AIDA: variants seen among roughly 807,000 people sequenced by gnomAD.
AIDA encodes axin interactor, dorsalization associated.
Under a neutral mutation model 42.7 loss-of-function variants are expected in AIDA, and 18 were observed. The observed-to-expected ratio is 0.42, with a 90% confidence interval of 0.29 to 0.63. AIDA has a LOEUF of 0.63. AIDA is among the 20% of genes least tolerant of loss of function. The pLI, the probability that AIDA is intolerant of heterozygous loss-of-function variation, is 0.19. For synonymous variants in AIDA, 104 were observed against 122.9 expected, an observed-to-expected ratio of 0.85 and a Z score of 1.02; for missense variants, 250 against 354.1, an observed-to-expected ratio of 0.71 and a Z score of 2.36.
At position 222,686,998 on chromosome 1, in the gene AIDA, A is replaced by G. The variant is rs765189345; in HGVS notation, c.392T>C (p.Phe131Ser). The part of the protein sequence containing the change: ...LAPGEEENLE[F>S]EEDEEEGGAG... ...ACCACCCTCTTCTTCATCTTCTTCA[A>G]ATTCCAAATTCTCTTCTTCACCAGG... The change falls in exon 6 of 10, where the codon TTT (phenylalanine) becomes TCT (serine). Residue 131 changes from phenylalanine (F) to serine (S), a missense_variant. Physicochemically the swap from Phe to Ser is radical, Grantham distance 155. Coordinates refer to ENST00000340020, the MANE Select transcript of AIDA (RefSeq NM_022831.4). 11 of 1,613,760 alleles carry G rather than the reference A, an allele frequency of 6.8e-6. No individual in the cohort carries two copies. In the South Asian group the frequency reaches 9.9e-5, roughly 15 times the overall value.
chr1:222,674,326 G>A (rs1664508788), intron 7 of AIDA, among the ~76,000 whole-genome samples: 2 of 152,114 alleles, frequency 1.3e-5, no homozygotes, highest in Admixed American at 6.5e-5. Context: ...AAGAAAGCTT[G>A]TAGAACACAA....
At chr1:222,705,297 G>T (rs1307083310) in intron 1 of AIDA, among the ~76,000 whole-genome samples, 1 of 152,186 alleles carries the variant, frequency 6.6e-6, no homozygotes, top group Non-Finnish European at 1.5e-5. Context: ...TATAGCCATT[G>T]TCTTTGTTCT....
intron 8 of AIDA, among the ~76,000 whole-genome samples, chr1:222,672,860 G>A (rs1664473690): frequency 6.6e-6 from 1 of 152,128 alleles, no homozygotes; most frequent in African/African-American, 2.4e-5. Flanking sequence ...ATCATACTTG[G>A]AAATGTAGCC....
chr1:222,694,673 A>G (rs1038621033), intron 2 of AIDA, among the ~76,000 whole-genome samples: 2 of 152,250 alleles, frequency 1.3e-5, no homozygotes, highest in African/African-American at 4.8e-5. Flanking sequence ...CTTAAGTCCA[A>G]CACCAACTTG....
intron 4 of AIDA, among the ~76,000 whole-genome samples, chr1:222,691,305 A>G (rs563087325): frequency 9.2e-5 from 14 of 152,146 alleles, no homozygotes; most frequent in African/African-American, 3.1e-4. Context: ...TAAGCAAGGC[A>G]GAAGTGGCAG....
In AIDA at chr1:222,669,721, A is replaced by G; in HGVS notation, c.*172T>C. On this transcript the variant is annotated 3_prime_UTR_variant, in exon 10 of 10. Coordinates refer to ENST00000340020, the MANE Select transcript of AIDA (RefSeq NM_022831.4). ...CCAAGGAGTCCTATACGTCAGTGTG[A>G]TGTGCTGGACTCTGAATTCTGTGGT... 2.6e-6 allele frequency: 2 copies of G among 775,778 alleles called. No individual in the cohort carries two copies. Among genetic ancestry groups the G allele is most frequent in the Non-Finnish European group, 4.1e-6 (2 of 491,580 alleles). 48.1% of individuals were successfully genotyped at this position (775,778 alleles called of 1,614,324 possible).
intron 2 of AIDA, 82 bp downstream of exon 2, chr1:222,703,066 T>C (rs983630300): frequency 1.7e-6 from 2 of 1,147,184 alleles, no homozygotes. Context: ...TGTTTTGTTG[T>C]TTTTTGTTTT....
chr1:222,676,408 C>A (rs1664543806), intron 6 of AIDA, among the ~76,000 whole-genome samples, 190 bp from the exon 7 acceptor site: 1 of 152,302 alleles, frequency 6.6e-6, no homozygotes, highest in South Asian at 2.1e-4. Flanking sequence ...GAAATCTGCA[C>A]TTCCATGTCT....
At chr1:222,691,733 C>T (rs1024815383) in intron 4 of AIDA, among the ~76,000 whole-genome samples, 2 of 151,710 alleles carry the variant, frequency 1.3e-5, no homozygotes, top group African/African-American at 4.8e-5. Context: ...GAACAGGTGA[C>T]AAAAAAGACC....
rs180988002 is a variant in AIDA, at chr1:222,691,587, A to T, written c.289+2202T>A. Among the ~76,000 whole-genome samples the T allele has an allele frequency of 3.7e-3, 521 of 142,368 alleles. 4 individuals carry two copies. Among genetic ancestry groups the T allele is most frequent in the African/African-American group, 0.011 (363 of 33,548 alleles). The allele number at this position is 142,368 out of a possible 152,430, so 93.4% of individuals were successfully genotyped here. On this transcript the variant is annotated intron_variant, in intron 4 of 9. Coordinates refer to ENST00000340020, the MANE Select transcript of AIDA (RefSeq NM_022831.4). ...GATCTCACTAAAAAGCACTATTTTT[A>T]AAAAAAAAATTATAAGAACATCCTT... is the stretch of plus-strand genomic sequence containing the variant.
At chr1:222,693,486 C>T (rs1298691624) in intron 4 of AIDA, among the ~76,000 whole-genome samples, 1 of 152,100 alleles carries the variant, frequency 6.6e-6, no homozygotes, top group Non-Finnish European at 1.5e-5. Flanking sequence ...GCTTTATATT[C>T]TCCAATAGAT....
chr1:222,689,479 GTGTATATATATATATA>G (rs368808429), intron 4 of AIDA, among the ~76,000 whole-genome samples: 662 of 45,232 alleles, frequency 0.015, 35 homozygotes, highest in Admixed American at 0.088. Context: ...ATGTGTGTGT[GTGTATATATATATATA>G]TATATATATA....
At chr1:222,706,625 T>C (rs568440992) in intron 1 of AIDA, among the ~76,000 whole-genome samples, 13 of 152,120 alleles carry the variant, frequency 8.5e-5, no homozygotes, top group African/African-American at 2.9e-4. Flanking sequence ...TCCCAGCACA[T>C]TGGGAGGCCG....
intron 1 of AIDA, among the ~76,000 whole-genome samples, chr1:222,709,776 A>G (rs1441616967): frequency 2.0e-5 from 3 of 152,218 alleles, no homozygotes; most frequent in Admixed American, 1.3e-4. Context: ...CGTAATTGCA[A>G]CACCCAGTTA....
intron 5 of AIDA, 77 bp downstream of exon 5, chr1:222,687,518 T>C: frequency 8.0e-7 from 1 of 1,247,164 alleles, no homozygotes; most frequent in Non-Finnish European, 1.1e-6. Context: ...CCAAAGTTGA[T>C]ATTTAAGAAA....
intron 4 of AIDA, among the ~76,000 whole-genome samples, chr1:222,693,570 T>C (rs1655431915): frequency 6.6e-6 from 1 of 152,090 alleles, no homozygotes; most frequent in East Asian, 1.9e-4. Flanking sequence ...CTAATACATA[T>C]TTAGATGAGG....
chr1:222,709,952 G>A (rs1219384334), intron 1 of AIDA, among the ~76,000 whole-genome samples: 10 of 151,988 alleles, frequency 6.6e-5, no homozygotes, highest in Non-Finnish European at 1.0e-4. Flanking sequence ...TACATCCCTC[G>A]CATAAAGCAG....
chr1:222,698,503 G>GT (rs1655583566), intron 2 of AIDA, among the ~76,000 whole-genome samples: 2 of 148,722 alleles, frequency 1.3e-5, no homozygotes, highest in Non-Finnish European at 3.0e-5. Context: ...CCAGGCTCGG[G>GT]TGCAGTGGTG....
At chr1:222,706,615 T>A (rs547164720) in intron 1 of AIDA, among the ~76,000 whole-genome samples, 3 of 152,090 alleles carry the variant, frequency 2.0e-5, no homozygotes, top group African/African-American at 7.2e-5. Context: ...ATGCCTGTAA[T>A]CCCAGCACAT....
Sources: allele counts gnomAD v4.1 joint callset (sites outside exome capture counted in the v4.1 genomes callset), GRCh38; gene constraint gnomAD v4.1.1; transcripts MANE v1.5; gene names NCBI Gene and HGNC (gene_info 2026-07-23, HGNC 2026-07-21).